PPP6R1: variants seen among roughly 807,000 people sequenced by gnomAD.
PPP6R1 encodes serine/threonine-protein phosphatase 6 regulatory subunit 1.
In PPP6R1, 39 loss-of-function variants were observed where a neutral mutation model predicts 104.6. The ratio of observed to expected loss-of-function variants is 0.37; its 90% CI spans 0.29 to 0.49. The LOEUF (loss-of-function observed/expected upper bound fraction) is 0.49, where lower values mean the gene tolerates loss of function less well. Among genes scored for constraint, PPP6R1 ranks in the 20% least tolerant of loss-of-function variants. The pLI is 0.98. For missense variants in PPP6R1, 1,181 were observed against 1,155.8 expected (o/e 1.02, Z -0.32); for synonymous variants, 549 against 479.0 (o/e 1.15, Z -1.91).
chr19:55,246,120 C>G (rs886077973), intron 2 of PPP6R1, among the ~76,000 whole-genome samples: 1 of 152,170 alleles, frequency 6.6e-6, no homozygotes, highest in Non-Finnish European at 1.5e-5. Context: ...CAAGAGCTGC[C>G]CCACCAGCGT....
chr19:55,239,289 C>T, intron 15 of PPP6R1, 116 bp downstream of exon 15: 3 of 1,072,420 alleles, frequency 2.8e-6, no homozygotes, highest in South Asian at 2.9e-5. Context: ...GGAGGGGCCA[C>T]AGCTGCAGGC....
Position 55,239,415 on chromosome 19 carries a change from C to T in PPP6R1, c.1741G>A (p.Glu581Lys). The change falls in exon 15 of 24, where the codon GAG (glutamate) becomes AAG (lysine). Residue 581 changes from glutamate to lysine, a missense_variant. Physicochemically the swap from Glu to Lys is moderately conservative, Grantham distance 56. Coordinates refer to ENST00000412770, the MANE Select transcript of PPP6R1 (RefSeq NM_014931.4). Reference sequence around the variant, plus strand: ...GCAGGAGACACTCACTTCACACTCTCCTCCTGCTCCCCAAACTCCTCATCA... The same window carrying T: ...GCAGGAGACACTCACTTCACACTCTTCTCCTGCTCCCCAAACTCCTCATCA... The part of the protein sequence containing the change: ...FNDEEFGEQE[E>K]SVNAPFDKTA... 5 of 1,613,584 alleles carry T rather than the reference C, an allele frequency of 3.1e-6. No individual in the cohort carries two copies. Among genetic ancestry groups the T allele is most frequent in the Admixed American group, 1.7e-5 (1 of 60,012 alleles).
Position 55,245,227 on chromosome 19 carries a change from C to A in PPP6R1, c.552+38G>T, listed in dbSNP as rs1275978378. On this transcript the variant is annotated intron_variant, in intron 4 of 23. Coordinates refer to ENST00000412770, the MANE Select transcript of PPP6R1 (RefSeq NM_014931.4). This position sits in a 1 kb window ranked among gnomAD's most constrained non-coding sequence, Gnocchi z 6.4. ...GAGGGATGCATCGCTGTCCACCACG[C>A]CCAGCCCCCCACCCCCAGAGGAGCC... 12 of 1,603,976 alleles carry A rather than the reference C, an allele frequency of 7.5e-6. No individual in the cohort carries two copies. Among genetic ancestry groups the A allele is most frequent in the Non-Finnish European group, 1.0e-5 (12 of 1,175,612 alleles).
chr19:55,250,892 G>C lies in PPP6R1; in HGVS notation c.-6-3783C>G, dbSNP rs1600116618. On this transcript the variant is annotated intron_variant, in intron 1 of 23. Coordinates refer to ENST00000412770, the MANE Select transcript of PPP6R1 (RefSeq NM_014931.4). ...CTCTCCCCACAGCCATGCAGAGCTTGCTGAAGGGAAAATCAGAACCGCCCT... is the reference window on the plus strand; with the variant it reads ...CTCTCCCCACAGCCATGCAGAGCTTCCTGAAGGGAAAATCAGAACCGCCCT... Among the ~76,000 whole-genome samples, 3 of 152,162 alleles carry C rather than the reference G, an allele frequency of 2.0e-5. No homozygotes were observed. The East Asian group carries it at 5.8e-4, about 29-fold the overall frequency.
At position 55,230,073 on chromosome 19, in the gene PPP6R1, A is replaced by G. The variant is rs556169632; in HGVS notation, c.*455T>C. 12 of 159,586 alleles carry G rather than the reference A, an allele frequency of 7.5e-5. No homozygotes were observed. The highest frequency in any genetic ancestry group is 7.3e-4 in the Admixed American group (12 of 16,340). 9.9% of individuals were successfully genotyped at this position (159,586 alleles called of 1,614,324 possible). A position where few individuals can be genotyped will look rare whatever the true frequency, so the allele number is the denominator to read the frequency against. ...GTCCCCCATGGTGGACCTGAGCTAA[A>G]AGGCCGGGTGTGGGCGTGGCCGTCT... On this transcript the variant is annotated 3_prime_UTR_variant, in exon 24 of 24. Transcript: ENST00000412770.
intron 10 of PPP6R1, 41 bp downstream of exon 10, chr19:55,240,904 G>A (rs754313014): frequency 1.3e-6 from 2 of 1,593,346 alleles, no homozygotes; most frequent in East Asian, 4.5e-5. Context: ...GCCCACAGGG[G>A]ATGGGCCCAG....
intron 1 of PPP6R1, among the ~76,000 whole-genome samples, chr19:55,251,576 G>A (rs975347693): frequency 2.0e-5 from 3 of 152,172 alleles, no homozygotes; most frequent in African/African-American, 7.2e-5. Flanking sequence ...CACCTCACAA[G>A]GAAATACAAC....
chr19:55,257,930 G>A (rs1044494669), intron 1 of PPP6R1, among the ~76,000 whole-genome samples: 5 of 152,316 alleles, frequency 3.3e-5, no homozygotes, highest in Non-Finnish European at 5.9e-5. Context: ...ACAAGAAGCC[G>A]GAGGCGGGAG....
chr19:55,239,319 G>C lies in PPP6R1; in HGVS notation c.1751+86C>G, dbSNP rs548356156. 8 of 1,321,702 alleles carry C rather than the reference G, an allele frequency of 6.1e-6. No homozygotes were observed. The South Asian group carries it at 7.6e-5, about 13-fold the overall frequency. The allele number at this position is 1,321,702 out of a possible 1,614,324, so 81.9% of individuals were successfully genotyped here. A position where few individuals can be genotyped will look rare whatever the true frequency, so the allele number is the denominator to read the frequency against. ...GCAGGCTGAGCCCACAGGGCATGTA[G>C]GTGCGTGCAGGGGACAGATACAAGT... On this transcript the variant is annotated intron_variant, in intron 15 of 23. Transcript: ENST00000412770.
At position 55,245,701 on chromosome 19, in the gene PPP6R1, T is replaced by TG. The variant is rs756801410; in HGVS notation, c.228-24dup. On this transcript the variant is annotated intron_variant, in intron 2 of 23. Coordinates refer to ENST00000412770, the MANE Select transcript of PPP6R1 (RefSeq NM_014931.4). This position sits in a 1 kb window ranked among gnomAD's most constrained non-coding sequence, Gnocchi z 6.4. ...TACCTGGGAGGCAAGCACAGGCGGG[T>TG]GGGGGCTCGGGTCGGAGGCCGGGGG... The TG allele has an allele frequency of 9.9e-6, 14 of 1,409,834 alleles. No homozygotes were observed. Among genetic ancestry groups the TG allele is most frequent in the Non-Finnish European group, 1.3e-5 (14 of 1,041,300 alleles). The allele number at this position is 1,409,834 out of a possible 1,614,324, so 87.3% of individuals were successfully genotyped here. A position where few individuals can be genotyped will look rare whatever the true frequency, so the allele number is the denominator to read the frequency against.
In PPP6R1 at chr19:55,247,670, C is replaced by T. The variant is rs377112356; in HGVS notation, c.-6-561G>A. 2.6e-5 allele frequency among the ~76,000 whole-genome samples: 4 copies of T among 152,312 alleles called. No homozygotes were observed. The South Asian group carries it at 8.3e-4, about 32-fold the overall frequency. On this transcript the variant is annotated intron_variant, in intron 1 of 23. Coordinates refer to ENST00000412770, the MANE Select transcript of PPP6R1 (RefSeq NM_014931.4). ...ACGGCTGCTGCTTGGCCCAGCAAAT[C>T]CCCCAAGGCTACGTGGGAGGCATGG... is the stretch of plus-strand genomic sequence containing the variant.
chr19:55,246,843 T>C (rs1189560609), intron 2 of PPP6R1, 34 bp downstream of exon 2: 14 of 1,508,084 alleles, frequency 9.3e-6, no homozygotes, highest in Non-Finnish European at 1.2e-5. Context: ...GTGATGCTGA[T>C]AGGGACGGGC....
intron 15 of PPP6R1, among the ~76,000 whole-genome samples, chr19:55,238,476 A>G (rs2087419168): frequency 6.6e-6 from 1 of 152,008 alleles, no homozygotes; most frequent in African/African-American, 2.4e-5. Flanking sequence ...CTGGGGCCTC[A>G]GTCTCCCTGG....
intron 1 of PPP6R1, among the ~76,000 whole-genome samples, chr19:55,254,275 T>G (rs2087575922): frequency 6.6e-6 from 1 of 152,230 alleles, no homozygotes; most frequent in East Asian, 1.9e-4. Context: ...AAACCATGAG[T>G]CTGGCTGCAA....
intron 1 of PPP6R1, among the ~76,000 whole-genome samples, chr19:55,256,783 T>G (rs746097413): frequency 6.6e-6 from 1 of 151,222 alleles, no homozygotes; most frequent in Non-Finnish European, 1.5e-5. Flanking sequence ...AGTCCAGGAG[T>G]TCAAGGCTGG....
At chr19:55,239,062 TC>T in intron 15 of PPP6R1, 1 of 302,014 alleles carries the variant, frequency 3.3e-6, no homozygotes, top group Non-Finnish European at 6.4e-6. Flanking sequence ...GGACTGCTGG[TC>T]CCCACTACCC....
At chr19:55,235,534 T>C (rs75925143) in intron 17 of PPP6R1, among the ~76,000 whole-genome samples, 2 of 151,598 alleles carry the variant, frequency 1.3e-5, no homozygotes, top group East Asian at 1.9e-4. Flanking sequence ...TTTTTTTTTT[T>C]CTGAGACAGA....
rs994876456 is a variant in PPP6R1 at position 55,245,762 on chromosome 19, C to T, written c.228-84G>A. ...CAAGGCTCCACCCTCTTCTCTGCAC[C>T]GGGCACTGGGTTTCTGGGAACTGCA... is the stretch of plus-strand genomic sequence containing the variant. On this transcript the variant is annotated intron_variant, in intron 2 of 23. Transcript: ENST00000412770. The surrounding 1 kb of genome is among the most constrained non-coding windows in gnomAD (Gnocchi z 6.4). The T allele has an allele frequency of 1.7e-5, 20 of 1,164,926 alleles. No homozygotes were observed. The highest frequency in any genetic ancestry group is 2.8e-5 in the South Asian group (2 of 70,328). The allele number at this position is 1,164,926 out of a possible 1,614,324, so 72.2% of individuals were successfully genotyped here. A position where few individuals can be genotyped will look rare whatever the true frequency, so the allele number is the denominator to read the frequency against.
intron 5 of PPP6R1, among the ~76,000 whole-genome samples, chr19:55,243,136 C>T (rs1201261056): frequency 1.3e-5 from 2 of 152,142 alleles, no homozygotes; most frequent in East Asian, 1.9e-4. Flanking sequence ...GAGGTGGGGC[C>T]GGGCGCGGTG....
Sources: gnomAD v4.1 joint callset for allele counts (sites outside exome capture counted in the v4.1 genomes callset) on GRCh38, gnomAD v4.1.1 for gene constraint, Gnocchi (gnomAD v3.1) non-coding constraint, MANE v1.5 for transcripts, NCBI Gene and HGNC (gene_info 2026-07-23, HGNC 2026-07-21) for gene names.